FANCB: variants seen among roughly 807,000 people sequenced by gnomAD.
The protein encoded by FANCB is FA complementation group B.
In FANCB, 5 loss-of-function variants were observed where a neutral mutation model predicts 38.9. The observed-to-expected ratio is 0.13, with a 90% CI of 0.07 to 0.27. The LOEUF (loss-of-function observed/expected upper bound fraction) is 0.27, where lower values mean the gene tolerates loss of function less well. Among genes scored for constraint, FANCB ranks in the 10% least tolerant of loss-of-function variants. FANCB has a pLI of 1.00. For synonymous variants in FANCB, 236 were observed against 215.4 expected (o/e 1.10, Z -0.84); for missense variants, 573 against 602.7 (o/e 0.95, Z 0.52).
the FANCB span, among the ~76,000 whole-genome samples, chrX:14,798,999 AC>A: frequency 9.0e-6 from 1 of 111,677 alleles, no homozygotes; most frequent in African/African-American, 3.3e-5. Flanking sequence ...CCTAGGTTTC[AC>A]CCAGAACCTC....
At chrX:14,690,679 G>T in the FANCB span, 22 of 722,986 alleles carry the variant, frequency 3.0e-5, no homozygotes, top group Non-Finnish European at 4.5e-5. Context: ...CTCTCTCTCT[G>T]TGTGTGTGTG....
the FANCB span, among the ~76,000 whole-genome samples, chrX:14,717,602 G>A: frequency 2.0e-4 from 22 of 110,897 alleles, no homozygotes; most frequent in African/African-American, 7.2e-4. Flanking sequence ...TCATAGAGTT[G>A]TATATAGTTA....
the FANCB span, among the ~76,000 whole-genome samples, chrX:14,747,153 T>C: frequency 8.9e-6 from 1 of 112,342 alleles, no homozygotes; most frequent in African/African-American, 3.2e-5. Context: ...AATGGTATGT[T>C]GTGCTCTGGT....
the FANCB span, among the ~76,000 whole-genome samples, chrX:14,805,778 T>C: frequency 8.9e-6 from 1 of 111,916 alleles, no homozygotes; most frequent in African/African-American, 3.3e-5. Flanking sequence ...ACAACTTCCT[T>C]CTGCCCACAA....
At chrX:14,707,606 GAA>G in the FANCB span, among the ~76,000 whole-genome samples, 4 of 91,635 alleles carry the variant, frequency 4.4e-5, no homozygotes, top group Non-Finnish European at 6.2e-5. Flanking sequence ...CAACAACAAA[GAA>G]AATATCATGG....
At chrX:14,765,490 A>C in the FANCB span, among the ~76,000 whole-genome samples, 1 of 112,574 alleles carries the variant, frequency 8.9e-6, no homozygotes, top group Non-Finnish European at 1.9e-5. Context: ...TTAAAGGAGC[A>C]AACTCCGTTC....
At chrX:14,714,254 G>A in the FANCB span, among the ~76,000 whole-genome samples, 16 of 111,022 alleles carry the variant, frequency 1.4e-4, no homozygotes, top group East Asian at 4.5e-3. Context: ...ACTCATCCAG[G>A]AGACACTTGG....
the FANCB span, among the ~76,000 whole-genome samples, chrX:14,814,271 A>G: frequency 8.9e-6 from 1 of 111,969 alleles, no homozygotes; most frequent in African/African-American, 3.2e-5. Flanking sequence ...ATGGGCAAGG[A>G]CTTCATGACT....
intron 2 of FANCB, among the ~76,000 whole-genome samples, chrX:14,866,337 T>C (rs1285803422): frequency 1.8e-5 from 2 of 112,232 alleles, no homozygotes; most frequent in Non-Finnish European, 3.8e-5. Context: ...TCAAGCTTAT[T>C]ATATGGCAGG....
chrX:14,823,258 A>C, the FANCB span, among the ~76,000 whole-genome samples: 1 of 107,432 alleles, frequency 9.3e-6, no homozygotes, highest in Non-Finnish European at 1.9e-5. Context: ...AATTTTTTGT[A>C]TTTTTAATAG....
chrX:14,757,434 G>A, the FANCB span, among the ~76,000 whole-genome samples: 1 of 111,628 alleles, frequency 9.0e-6, no homozygotes, highest in Admixed American at 9.5e-5. Flanking sequence ...AAAGTTATCT[G>A]GAAAGCCAAG....
Position 14,843,564 on chromosome X carries a change from T to C in FANCB, c.*3A>G, listed in dbSNP as rs773654012. 1.6e-5 allele frequency: 18 copies of C among 1,144,103 alleles called. No individual in the cohort carries two copies. The highest frequency in any genetic ancestry group is 2.1e-5 in the Non-Finnish European group (18 of 840,693). 94.3% of individuals were successfully genotyped at this position (1,144,103 alleles called of 1,213,427 possible). The stretch of plus-strand genomic sequence containing the variant: ...TTAAAATATGATCAAATTGAAATTA[T>C]AATTATAAATTACTCAGTTTCTGTG... On this transcript the variant is annotated 3_prime_UTR_variant, in exon 10 of 10. Transcript: ENST00000650831.
chrX:14,833,498 G>A (rs753422734), downstream of FANCB, among the ~76,000 whole-genome samples: 3 of 112,081 alleles, frequency 2.7e-5, no homozygotes, highest in African/African-American at 9.7e-5. Flanking sequence ...AAGATCTCCA[G>A]GTGATAGTAT....
chrX:14,730,461 G>T, the FANCB span: 1 of 1,206,131 alleles, frequency 8.3e-7, no homozygotes, highest in African/African-American at 1.7e-5. Flanking sequence ...AGATCATTCG[G>T]CATGAAGATG....
chrX:14,730,889 TATACACACAC>T, the FANCB span: 3 of 129,234 alleles, frequency 2.3e-5, no homozygotes, highest in African/African-American at 1.4e-4. Flanking sequence ...AAAAGTTAGC[TATACACACAC>T]ACACACACAC....
the FANCB span, among the ~76,000 whole-genome samples, chrX:14,810,908 G>A: frequency 8.9e-6 from 1 of 111,915 alleles, no homozygotes; most frequent in Non-Finnish European, 1.9e-5. Context: ...GTTAAGGGCA[G>A]CCAGAGACAA....
chrX:14,831,033 G>C (rs1208033223), downstream of FANCB, among the ~76,000 whole-genome samples: 1 of 112,170 alleles, frequency 8.9e-6, no homozygotes, highest in Non-Finnish European at 1.9e-5. Flanking sequence ...TCTCCACAGT[G>C]TTTAAAATGA....
At chrX:14,824,140 C>T in the FANCB span, among the ~76,000 whole-genome samples, 1 of 111,488 alleles carries the variant, frequency 9.0e-6, no homozygotes, top group Non-Finnish European at 1.9e-5. Context: ...GGTTTCAATC[C>T]CTTGTGCACC....
the FANCB span, among the ~76,000 whole-genome samples, chrX:14,800,422 G>T: frequency 9.0e-6 from 1 of 111,439 alleles, no homozygotes; most frequent in East Asian, 2.8e-4. Flanking sequence ...GCCAGCAACC[G>T]CCACAAGTTA....
Sources: allele counts gnomAD v4.1 joint callset (sites outside exome capture counted in the v4.1 genomes callset), GRCh38; gene constraint gnomAD v4.1.1; transcripts MANE v1.5; gene names NCBI Gene and HGNC (gene_info 2026-07-23, HGNC 2026-07-21).